Variants in ZNF782 observed in about 807,000 individuals in gnomAD.
ZNF782 encodes zinc finger protein 782.
ZNF782 carries 12 observed loss-of-function variants against 13.0 expected under a neutral mutation model. The observed-to-expected ratio is 0.92, with a 90% CI of 0.59 to 1.50. ZNF782 has a LOEUF of 1.50. Ranked by LOEUF, ZNF782 falls within the 40% of genes most tolerant of loss-of-function variation. ZNF782 has a pLI of 0.00. For synonymous variants in ZNF782, 284 were observed against 283.0 expected (o/e 1.00, Z -0.04); for missense variants, 770 against 822.9 (o/e 0.94, Z 0.79).
At chr9:96,929,055 A>C in the ZNF782 span, 1 of 1,610,286 alleles carries the variant, frequency 6.2e-7, no homozygotes. Context: ...GCCTGTAGGG[A>C]TGGGGCATTA....
rs769250800 is a variant in ZNF782 at position 96,818,757 on chromosome 9, G to A, written c.1266C>T (p.Tyr422=). ...AAGCTTTATCACATCCATCACATTT[G>A]TATGGTTTCTCTCCCGTGTGAGTTC... The part of the protein sequence containing the change: ...HQRTHTGEKP[Y]KCDGCDKAFS... The change falls in exon 6 of 6, where the codon TAC becomes TAT. Residue 422 remains tyrosine (Y), a synonymous_variant. Transcript: ENST00000481138. 6.2e-7 allele frequency: 1 copy of A among 1,613,290 alleles called. No homozygotes were observed. Among genetic ancestry groups the A allele is most frequent in the Non-Finnish European group, 8.5e-7 (1 of 1,179,844 alleles).
At chr9:96,865,899 T>G (rs1194607318) in intron 1 of ZNF782, among the ~76,000 whole-genome samples, 1 of 152,114 alleles carries the variant, frequency 6.6e-6, no homozygotes, top group African/African-American at 2.4e-5. Context: ...CCCTAGAGAT[T>G]TCTGGAACTT....
chr9:96,865,756 C>T (rs559903321), intron 1 of ZNF782, among the ~76,000 whole-genome samples: 1 of 152,170 alleles, frequency 6.6e-6, no homozygotes, highest in South Asian at 2.1e-4. Context: ...ACGGCTTTGA[C>T]CAAAATGTTG....
chr9:96,862,648 G>C (rs1386358181), intron 1 of ZNF782, among the ~76,000 whole-genome samples: 1 of 152,170 alleles, frequency 6.6e-6, no homozygotes, highest in Non-Finnish European at 1.5e-5. Flanking sequence ...TTTGCTAATA[G>C]TATATAAACT....
the ZNF782 span, among the ~76,000 whole-genome samples, chr9:96,899,135 T>C: frequency 6.6e-6 from 1 of 150,626 alleles, no homozygotes; most frequent in Non-Finnish European, 1.5e-5. Flanking sequence ...CTGAGTTATT[T>C]AACTTACTAT....
At chr9:96,858,692 G>A (rs966590065), upstream of ZNF782, among the ~76,000 whole-genome samples, 4 of 152,156 alleles carry the variant, frequency 2.6e-5, no homozygotes, top group East Asian at 3.9e-4. This position sits in a 1 kb window ranked among gnomAD's most constrained non-coding sequence, Gnocchi z 4.4. Flanking sequence ...AGGCAGTGGC[G>A]CGAGGTTTTG....
chr9:96,887,123 G>T, the ZNF782 span, among the ~76,000 whole-genome samples: 80 of 151,798 alleles, frequency 5.3e-4, 2 homozygotes, highest in South Asian at 0.016. Context: ...AGATCAGCCT[G>T]GCCAACATGG....
chr9:96,820,280 C>T (rs1281703849), intron 5 of ZNF782, among the ~76,000 whole-genome samples: 1 of 152,100 alleles, frequency 6.6e-6, no homozygotes, highest in Non-Finnish European at 1.5e-5. Flanking sequence ...CATTAGCCTG[C>T]AATAGTTCAG....
Position 96,819,478 on chromosome 9 carries a change from G to C in ZNF782, c.545C>G (p.Thr182Ser). 1.9e-6 allele frequency: 3 copies of C among 1,613,892 alleles called. No homozygotes were observed. The highest frequency in any genetic ancestry group is 2.5e-6 in the Non-Finnish European group (3 of 1,179,988). The change falls in exon 6 of 6, where the codon ACT becomes AGT. Residue 182 changes from threonine to serine, a missense_variant. Thr to Ser is a moderately conservative substitution (Grantham distance 58). Coordinates refer to ENST00000481138, the MANE Select transcript of ZNF782 (RefSeq NM_001001662.3). ...ACTATAAGCGAAAGATTTCTCTTGA[G>C]TGTTAGTTCTGCCATCCTTAATACT... Reference protein sequence around the residue: ...LISIKDGRTNTQEKSFAYSKI... With the variant: ...LISIKDGRTNSQEKSFAYSKI...
chr9:96,864,368 G>A (rs1237171757), intron 1 of ZNF782, among the ~76,000 whole-genome samples: 1 of 152,002 alleles, frequency 6.6e-6, no homozygotes, highest in African/African-American at 2.4e-5. Flanking sequence ...AAGAGTTTAT[G>A]AAGTGCATAT....
At chr9:96,876,397 C>T (rs572715811), upstream of ZNF782, among the ~76,000 whole-genome samples, 1 of 152,232 alleles carries the variant, frequency 6.6e-6, no homozygotes, top group South Asian at 2.1e-4. Flanking sequence ...ACATGCATGG[C>T]TATAGATAGA....
At chr9:96,878,378 A>G (rs993160478), upstream of ZNF782, among the ~76,000 whole-genome samples, 1 of 152,334 alleles carries the variant, frequency 6.6e-6, no homozygotes, top group Middle Eastern at 3.4e-3. Context: ...AAGTAAATAC[A>G]TTTAAACGTT....
the ZNF782 span, among the ~76,000 whole-genome samples, chr9:96,910,678 C>T: frequency 6.6e-6 from 1 of 150,642 alleles, no homozygotes; most frequent in African/African-American, 2.4e-5. Context: ...GCTCTGTCAC[C>T]CAGGCTGGAG....
At chr9:96,879,942 C>A (rs1458416244), upstream of ZNF782, among the ~76,000 whole-genome samples, 1 of 151,224 alleles carries the variant, frequency 6.6e-6, no homozygotes, top group Non-Finnish European at 1.5e-5. Context: ...TAAGGATAGA[C>A]TTATTTTTTC....
At chr9:96,912,221 A>G in the ZNF782 span, among the ~76,000 whole-genome samples, 1 of 145,654 alleles carries the variant, frequency 6.9e-6, no homozygotes. Flanking sequence ...AAAAAAAAAA[A>G]CTAACTAAAA....
intron 4 of ZNF782, among the ~76,000 whole-genome samples, chr9:96,831,248 A>G (rs1850790253): frequency 6.6e-6 from 1 of 152,198 alleles, no homozygotes; most frequent in African/African-American, 2.4e-5. Context: ...TGGTGACTGA[A>G]TAGTTCTGTT....
the ZNF782 span, among the ~76,000 whole-genome samples, chr9:96,925,790 G>A: frequency 2.7e-4 from 40 of 149,474 alleles, no homozygotes; most frequent in Non-Finnish European, 4.3e-4. Flanking sequence ...CGTCTATGAC[G>A]GCCTAGGGCC....
At chr9:96,914,408 C>A in the ZNF782 span, among the ~76,000 whole-genome samples, 1 of 151,794 alleles carries the variant, frequency 6.6e-6, no homozygotes, top group Admixed American at 6.6e-5. Context: ...GCGTGAGCCA[C>A]CGCGCCCGGC....
At chr9:96,916,316 C>G in the ZNF782 span, among the ~76,000 whole-genome samples, 1 of 151,898 alleles carries the variant, frequency 6.6e-6, no homozygotes, top group Admixed American at 6.6e-5. Flanking sequence ...CATGGTGAAC[C>G]CTGTCTCCAC....
Sources: gnomAD v4.1 joint callset for allele counts (sites outside exome capture counted in the v4.1 genomes callset) on GRCh38, gnomAD v4.1.1 for gene constraint, Gnocchi (gnomAD v3.1) non-coding constraint, MANE v1.5 for transcripts, NCBI Gene and HGNC (gene_info 2026-07-23, HGNC 2026-07-21) for gene names.